The following BMP3 variants were observed in gnomAD, a reference collection of about 807,000 sequenced individuals.
BMP3 encodes bone morphogenetic protein 3 (osteogenic).
Under a neutral mutation model 38.1 loss-of-function variants are expected in BMP3, and 23 were observed. The observed-to-expected ratio is 0.60, with a 90% confidence interval of 0.43 to 0.86. BMP3 has a LOEUF of 0.86. BMP3 is among the 40% of genes least tolerant of loss of function. The pLI is 0.00. For missense variants in BMP3, 628 were observed against 579.6 expected, an observed-to-expected ratio of 1.08 and a Z score of -0.86; for synonymous variants, 258 against 225.7, an observed-to-expected ratio of 1.14 and a Z score of -1.28.
Position 81,053,561 on chromosome 4 carries a change from C to A in BMP3, c.*25C>A. 3 of 1,150,766 alleles carry A rather than the reference C, an allele frequency of 2.6e-6. No individual in the cohort carries two copies. The highest frequency in any genetic ancestry group is 3.5e-6 in the Non-Finnish European group (3 of 867,370). 71.3% of individuals were successfully genotyped at this position (1,150,766 alleles called of 1,614,324 possible). On this transcript the variant is annotated 3_prime_UTR_variant, in exon 3 of 3. Transcript: ENST00000282701. ...ACCTGGCAAAGAACTCATTTGAATG[C>A]TTAATTCAATCATTAGTTTATTTTT...
At chr4:81,049,287 T>C (rs1560513764) in intron 2 of BMP3, among the ~76,000 whole-genome samples, 1 of 152,186 alleles carries the variant, frequency 6.6e-6, no homozygotes, top group Non-Finnish European at 1.5e-5. Flanking sequence ...GAAAATGTTT[T>C]CTAAATGTTT....
rs1578293112 is a variant in BMP3, at chr4:81,034,254, T to TGG, written c.316+2655_316+2656insGG. 2.0e-5 allele frequency among the ~76,000 whole-genome samples: 3 copies of TGG among 151,744 alleles called. No individual in the cohort carries two copies. The East Asian group carries it at 5.8e-4, about 30-fold the overall frequency. ...AGTTTGGAGTGCTTGTAAGTTTTTT[T>TGG]GTCATGTGGAAGGGTTTACATAAAG... On this transcript the variant is annotated intron_variant, in intron 1 of 2. Transcript: ENST00000282701.
chr4:81,053,257 T>G, intron 2 of BMP3, 88 bp from the exon 3 acceptor site: 1 of 977,658 alleles, frequency 1.0e-6, no homozygotes, highest in Non-Finnish European at 1.4e-6. Flanking sequence ...AACAAATTCA[T>G]TAGATAAGCA....
At chr4:81,049,672 C>G (rs924048) in intron 2 of BMP3, among the ~76,000 whole-genome samples, 12,066 of 152,064 alleles carry the variant, frequency 0.079, 588 homozygotes, top group South Asian at 0.24. Flanking sequence ...GGTACGGTGA[C>G]CAAAAAGATG....
Position 81,054,857 on chromosome 4 carries a change from G to C in BMP3, c.*1321G>C, listed in dbSNP as rs1740505515. Reference sequence around the variant, plus strand: ...AAATGCTTTCAGGCCGTAGATCATTGTTGGTGTTAATCTGTGGTTAATCCT... The same window carrying C: ...AAATGCTTTCAGGCCGTAGATCATTCTTGGTGTTAATCTGTGGTTAATCCT... On this transcript the variant is annotated 3_prime_UTR_variant, in exon 3 of 3. Coordinates refer to ENST00000282701, the MANE Select transcript of BMP3 (RefSeq NM_001201.5). The C allele has an allele frequency of 6.6e-6, 1 of 152,112 alleles. No homozygotes were observed. The highest frequency in any genetic ancestry group is 1.9e-4 in the East Asian group (1 of 5,196). The allele number at this position is 152,112 out of a possible 1,614,324, so 9.4% of individuals were successfully genotyped here.
At chr4:81,033,388 G>C (rs1382975880) in intron 1 of BMP3, among the ~76,000 whole-genome samples, 2 of 152,142 alleles carry the variant, frequency 1.3e-5, no homozygotes, top group East Asian at 3.9e-4. Flanking sequence ...ATTCCAGAGT[G>C]TGCCTTATCA....
At chr4:81,043,242 G>C (rs1740133381) in intron 1 of BMP3, among the ~76,000 whole-genome samples, 1 of 152,186 alleles carries the variant, frequency 6.6e-6, no homozygotes, top group Non-Finnish European at 1.5e-5. Context: ...CCCAGGATGG[G>C]AGATTCCAGA....
rs1221450106 is a variant in BMP3, at chr4:81,045,859, T to C, written c.438T>C (p.Cys146=). ...AGCTAGGAAACATCAGCCTGAGTTG[T>C]CCAGTGTCTGGAGGATGCTCCCATC... is the stretch of plus-strand genomic sequence containing the variant. ...IGELGNISLS[C]PVSGGCSHHA... The change falls in exon 2 of 3, where the codon TGT becomes TGC. Residue 146 remains cysteine, a synonymous_variant. Transcript: ENST00000282701. 6.2e-7 allele frequency: 1 copy of C among 1,614,134 alleles called. No homozygotes were observed. The highest frequency in any genetic ancestry group is 1.3e-5 in the African/African-American group (1 of 75,046).
rs34213771 is a variant in BMP3, at chr4:81,045,947, C to A, written c.526C>A (p.Gln176Lys). 2,643 of 1,613,990 alleles carry A rather than the reference C, an allele frequency of 1.6e-3. 38 individuals carry two copies. The African/African-American group carries it at 0.029, about 18-fold the overall frequency. ...ATGGACCCTCAAATTCAGCAGAAAC[C>A]AAAGTCAACTCCTTGGCCATCTGTC... is the stretch of plus-strand genomic sequence containing the variant. ...SAWTLKFSRNQSQLLGHLSVD... is the reference protein window; with the variant it reads ...SAWTLKFSRNKSQLLGHLSVD... Residue 176 changes from glutamine (Q) to lysine (K), a missense_variant, in exon 2 of 3, where the codon CAA (glutamine) becomes AAA (lysine). Physicochemically the swap from Gln to Lys is moderately conservative, Grantham distance 53. Coordinates refer to ENST00000282701, the MANE Select transcript of BMP3 (RefSeq NM_001201.5).
In BMP3 at chr4:81,031,106, G is replaced by A; in HGVS notation, c.-179G>A. On this transcript the variant is annotated 5_prime_UTR_variant, in exon 1 of 3. Transcript: ENST00000282701. ...AGAGCCCACCTGTCAGGCTGCGCTG[G>A]GTCAGCGCAGCAAGTGGGGCTGGCC... The A allele has an allele frequency of 1.5e-6, 1 of 647,218 alleles. No homozygotes were observed. The highest frequency in any genetic ancestry group is 2.6e-6 in the Non-Finnish European group (1 of 391,460). The allele number at this position is 647,218 out of a possible 1,614,324, so 40.1% of individuals were successfully genotyped here. A position where few individuals can be genotyped will look rare whatever the true frequency, so the allele number is the denominator to read the frequency against.
rs758455386 is a variant in BMP3 at position 81,053,414 on chromosome 4, C to A, written c.1297C>A (p.Pro433Thr). 1.2e-6 allele frequency: 2 copies of A among 1,611,606 alleles called. No homozygotes were observed. Among genetic ancestry groups the A allele is most frequent in the Non-Finnish European group, 1.7e-6 (2 of 1,178,930 alleles). ...VRAVGVVPGIPEPCCVPEKMS... is the reference protein window; with the variant it reads ...VRAVGVVPGITEPCCVPEKMS... ...AGCTGTGGGGGTCGTTCCTGGGATT[C>A]CTGAGCCTTGCTGTGTACCAGAAAA... Residue 433 changes from proline to threonine, a missense_variant, in exon 3 of 3, where the codon CCT becomes ACT. By Grantham distance (38) the Pro-to-Thr change is conservative. Coordinates refer to ENST00000282701, the MANE Select transcript of BMP3 (RefSeq NM_001201.5).
intron 2 of BMP3, among the ~76,000 whole-genome samples, chr4:81,050,791 T>TTC (rs1334535592): frequency 6.6e-6 from 1 of 152,102 alleles, no homozygotes; most frequent in East Asian, 1.9e-4. Context: ...TTCACCCTCA[T>TTC]TAGAAAGAGC....
At position 81,055,439 on chromosome 4, in the gene BMP3, A is replaced by G. The variant is rs948927471; in HGVS notation, c.*1903A>G. 6.6e-6 allele frequency: 1 copy of G among 152,204 alleles called. No homozygotes were observed. Among genetic ancestry groups the G allele is most frequent in the African/African-American group, 2.4e-5 (1 of 41,468 alleles). The allele number at this position is 152,204 out of a possible 1,614,324, so 9.4% of individuals were successfully genotyped here. ...TGCCTGAGTTACCATGCTTTCTTCT[A>G]GTTCTTACAGTAGCATAAAATTAAA... On this transcript the variant is annotated 3_prime_UTR_variant, in exon 3 of 3. Transcript: ENST00000282701.
chr4:81,040,832 A>G (rs563921410), intron 1 of BMP3, among the ~76,000 whole-genome samples: 8 of 152,168 alleles, frequency 5.3e-5, no homozygotes, highest in East Asian at 1.9e-4. Context: ...CTAAAAACGC[A>G]TAAGTATTTT....
At chr4:81,038,418 G>C (rs1030724839) in intron 1 of BMP3, among the ~76,000 whole-genome samples, 11 of 152,266 alleles carry the variant, frequency 7.2e-5, no homozygotes, top group African/African-American at 2.6e-4. Context: ...AGTTTGCCAT[G>C]TAGTTGACAC....
chr4:81,033,662 T>C (rs1017723343), intron 1 of BMP3, among the ~76,000 whole-genome samples: 4 of 152,178 alleles, frequency 2.6e-5, no homozygotes, highest in Non-Finnish European at 5.9e-5. Flanking sequence ...CAAGAGTGTT[T>C]AGTTACTAAC....
chr4:81,056,648 T>C lies in BMP3; in HGVS notation c.*3112T>C, dbSNP rs1740578389. The C allele has an allele frequency of 6.6e-6, 1 of 152,662 alleles. No homozygotes were observed. Among genetic ancestry groups the C allele is most frequent in the South Asian group, 2.1e-4 (1 of 4,830 alleles). The allele number at this position is 152,662 out of a possible 1,614,324, so 9.5% of individuals were successfully genotyped here. A position where few individuals can be genotyped will look rare whatever the true frequency, so the allele number is the denominator to read the frequency against. On this transcript the variant is annotated 3_prime_UTR_variant, in exon 3 of 3. Transcript: ENST00000282701. ...AATATACAATTTACAGGATTTGGGA[T>C]TGTAGAACTTAAACTGGAAGACTGG...
rs1268258670 is a variant in BMP3 at position 81,055,230 on chromosome 4, C to T, written c.*1694C>T. On this transcript the variant is annotated 3_prime_UTR_variant, in exon 3 of 3. Coordinates refer to ENST00000282701, the MANE Select transcript of BMP3 (RefSeq NM_001201.5). ...CTAAATGAAAGAACATCCTATACTT[C>T]GCTGTTTGTAAATTAGTATGGCATT... 4 of 152,282 alleles carry T rather than the reference C, an allele frequency of 2.6e-5. No individual in the cohort carries two copies. Among genetic ancestry groups the T allele is most frequent in the Non-Finnish European group, 5.9e-5 (4 of 68,022 alleles). 9.4% of individuals were successfully genotyped at this position (152,282 alleles called of 1,614,324 possible). A position where few individuals can be genotyped will look rare whatever the true frequency, so the allele number is the denominator to read the frequency against.
intron 1 of BMP3, among the ~76,000 whole-genome samples, chr4:81,036,227 T>C (rs929117265): frequency 1.3e-5 from 2 of 151,988 alleles, no homozygotes; most frequent in Non-Finnish European, 2.9e-5. Flanking sequence ...TCACTAATGA[T>C]CATATATATC....
Sources: gnomAD v4.1 joint callset for allele counts (sites outside exome capture counted in the v4.1 genomes callset) on GRCh38, gnomAD v4.1.1 for gene constraint, MANE v1.5 for transcripts, NCBI Gene and HGNC (gene_info 2026-07-23, HGNC 2026-07-21) for gene names.